Variants in SGCZ observed in about 807,000 individuals in gnomAD.
SGCZ encodes the protein sarcoglycan zeta, also known as zeta-sarcoglycan.
Under a neutral mutation model 41.3 loss-of-function variants are expected in SGCZ, and 40 were observed. The ratio of observed to expected loss-of-function variants is 0.97; its 90% CI spans 0.75 to 1.26. The LOEUF is 1.26. SGCZ is among the 50% of genes most tolerant of loss of function. The probability of loss-of-function intolerance (pLI) is 0.00; values close to 1 mark genes in which losing one functional copy is unlikely to be tolerated. For missense variants in SGCZ, 552 were observed against 369.8 expected, an observed-to-expected ratio of 1.49 and a Z score of -4.04; for synonymous variants, 206 against 137.5, an observed-to-expected ratio of 1.50 and a Z score of -3.49.
At chr8:14,625,470 T>A (rs1459972112) in intron 1 of SGCZ, among the ~76,000 whole-genome samples, 1 of 152,202 alleles carries the variant, frequency 6.6e-6, no homozygotes, top group East Asian at 1.9e-4. Context: ...GTCCTTACTC[T>A]CCTATGAGCA....
intron 1 of SGCZ, among the ~76,000 whole-genome samples, chr8:15,050,963 C>T (rs1022628943): frequency 1.3e-5 from 2 of 152,146 alleles, no homozygotes; most frequent in African/African-American, 4.8e-5. Context: ...GATTGAGTGC[C>T]ATTTGTAATG....
chr8:15,210,232 A>T (rs1464280308), intron 1 of SGCZ, among the ~76,000 whole-genome samples: 2 of 152,184 alleles, frequency 1.3e-5, no homozygotes, highest in African/African-American at 4.8e-5. Context: ...CTGGGTGTTT[A>T]TGTGGGGTGA....
At chr8:14,947,102 A>C (rs1351182571) in intron 1 of SGCZ, among the ~76,000 whole-genome samples, 1 of 152,198 alleles carries the variant, frequency 6.6e-6, no homozygotes, top group Non-Finnish European at 1.5e-5. Flanking sequence ...CCAGTACATC[A>C]ATAGAGTTTA....
At chr8:14,574,791 G>C (rs1219362340) in intron 1 of SGCZ, among the ~76,000 whole-genome samples, 2 of 152,032 alleles carry the variant, frequency 1.3e-5, no homozygotes, top group Non-Finnish European at 2.9e-5. Context: ...GGGAAGGAAA[G>C]AATTTACCCA....
chr8:14,413,929 C>G lies in SGCZ; in HGVS notation c.235-89725G>C, dbSNP rs75051695. On this transcript the variant is annotated intron_variant, in intron 2 of 7. Transcript: ENST00000382080. Reference sequence around the variant, plus strand: ...ACAATAAAAGGGTGTTAAATAAACTCATCATTTACTTTTCTGCAAGACTGG... The same window carrying G: ...ACAATAAAAGGGTGTTAAATAAACTGATCATTTACTTTTCTGCAAGACTGG... Among the ~76,000 whole-genome samples the G allele has an allele frequency of 4.2e-3, 644 of 152,064 alleles. 10 individuals are homozygous for G. Among genetic ancestry groups the G allele is most frequent in the African/African-American group, 0.015 (607 of 41,532 alleles).
chr8:14,209,530 T>C (rs1455473783), intron 4 of SGCZ, among the ~76,000 whole-genome samples: 1 of 152,178 alleles, frequency 6.6e-6, no homozygotes, highest in Admixed American at 6.5e-5. Context: ...AAGTGCTTAA[T>C]AATTTACAGA....
chr8:14,747,705 TTGTGTGTGTG>T (rs59524830), intron 1 of SGCZ, among the ~76,000 whole-genome samples: 1 of 136,592 alleles, frequency 7.3e-6, no homozygotes, highest in Non-Finnish European at 1.5e-5. Context: ...GTGTGTGTAT[TTGTGTGTGTG>T]TGTGTGTGTG....
At chr8:14,896,643 ATTTCCGTAT>A (rs1246254401) in intron 1 of SGCZ, among the ~76,000 whole-genome samples, 1 of 151,670 alleles carries the variant, frequency 6.6e-6, no homozygotes, top group African/African-American at 2.4e-5. Flanking sequence ...CACCTGGCTA[ATTTCCGTAT>A]TTTCAGGAGA....
At chr8:14,882,828 C>A (rs779505310) in intron 1 of SGCZ, among the ~76,000 whole-genome samples, 18 of 152,216 alleles carry the variant, frequency 1.2e-4, no homozygotes, top group Admixed American at 3.9e-4. Context: ...GTCGGCTCAG[C>A]ATCATTTGGA....
At chr8:14,457,926 T>A (rs1800795871) in intron 2 of SGCZ, among the ~76,000 whole-genome samples, 1 of 152,112 alleles carries the variant, frequency 6.6e-6, no homozygotes, top group Admixed American at 6.5e-5. Flanking sequence ...CCTTTCCTCT[T>A]GTCTCTTTGT....
At chr8:14,941,044 TAGAC>T (rs543914179) in intron 1 of SGCZ, among the ~76,000 whole-genome samples, 7 of 152,074 alleles carry the variant, frequency 4.6e-5, no homozygotes, top group South Asian at 2.1e-4. Flanking sequence ...AAATACTAAA[TAGAC>T]AGGCAACAAA....
intron 1 of SGCZ, among the ~76,000 whole-genome samples, chr8:14,831,821 T>TACATGTATATATGTGTGC (rs1305027770): frequency 2.6e-5 from 4 of 152,192 alleles, no homozygotes; most frequent in Admixed American, 6.5e-5. Context: ...TGTGTGCACA[T>TACATGTATATATGTGTGC]ACATGTATAT....
chr8:15,220,057 C>G (rs150871662), intron 1 of SGCZ, among the ~76,000 whole-genome samples: 1 of 152,070 alleles, frequency 6.6e-6, no homozygotes, highest in South Asian at 2.1e-4. Flanking sequence ...ATACATATAA[C>G]TAACAGATAT....
intron 1 of SGCZ, among the ~76,000 whole-genome samples, chr8:15,230,696 A>G (rs994455509): frequency 1.3e-5 from 2 of 152,206 alleles, no homozygotes; most frequent in African/African-American, 4.8e-5. Flanking sequence ...TTCAGTCTAC[A>G]GTTCTTGCCA....
chr8:14,830,620 T>C (rs937467149), intron 1 of SGCZ, among the ~76,000 whole-genome samples: 1 of 152,216 alleles, frequency 6.6e-6, no homozygotes, highest in Non-Finnish European at 1.5e-5. Flanking sequence ...GGTCTATGCA[T>C]GCCTATTCCA....
At chr8:14,474,391 A>C (rs554157016) in intron 2 of SGCZ, among the ~76,000 whole-genome samples, 1 of 152,318 alleles carries the variant, frequency 6.6e-6, no homozygotes, top group South Asian at 2.1e-4. Flanking sequence ...AAACACACAC[A>C]CATATATGTG....
At chr8:15,218,807 C>T (rs1801499764) in intron 1 of SGCZ, among the ~76,000 whole-genome samples, 1 of 152,176 alleles carries the variant, frequency 6.6e-6, no homozygotes, top group Admixed American at 6.5e-5. Context: ...CTATTACAGT[C>T]TCACAATCTA....
chr8:15,146,457 T>C (rs981312041), intron 1 of SGCZ, among the ~76,000 whole-genome samples: 1 of 152,168 alleles, frequency 6.6e-6, no homozygotes, highest in Admixed American at 6.5e-5. Flanking sequence ...TACTACAGCC[T>C]CAAAGTCCTT....
intron 3 of SGCZ, among the ~76,000 whole-genome samples, chr8:14,238,578 C>T (rs931190602): frequency 2.0e-5 from 3 of 152,118 alleles, no homozygotes; most frequent in Non-Finnish European, 4.4e-5. Context: ...ACTGCCTTAA[C>T]AGCTCACATA....
Sources: gnomAD v4.1 joint callset for allele counts (sites outside exome capture counted in the v4.1 genomes callset) on GRCh38, gnomAD v4.1.1 for gene constraint, MANE v1.5 for transcripts, NCBI Gene and HGNC (gene_info 2026-07-23, HGNC 2026-07-21) for gene names.